SAMD11: variants seen among roughly 807,000 people sequenced by gnomAD.
SAMD11 encodes the protein sterile alpha motif domain-containing protein 11.
A neutral mutation model predicts 64.4 loss-of-function variants in SAMD11; 77 were observed. The observed-to-expected ratio is 1.20, with a 90% CI of 0.99 to 1.44. The LOEUF (loss-of-function observed/expected upper bound fraction) is 1.44, where lower values mean the gene tolerates loss of function less well. Ranked by LOEUF, SAMD11 falls within the 40% of genes most tolerant of loss-of-function variation. The pLI is 0.00. For missense variants in SAMD11, 1,402 were observed against 943.3 expected (o/e 1.49, Z -6.37); for synonymous variants, 658 against 421.9 (o/e 1.56, Z -6.86).
At chr1:943,097 A>C (rs774624183) in intron 11 of SAMD11, 39 bp downstream of exon 11, 5 of 1,552,406 alleles carry the variant, frequency 3.2e-6, no homozygotes, top group Non-Finnish European at 4.4e-6. Flanking sequence ...CAGAGGGCAC[A>C]GGACTGGCAG....
chr1:941,667 C>CCCGGCACAGACAAGGCCT (rs1347803823), intron 8 of SAMD11, among the ~76,000 whole-genome samples: 1 of 152,066 alleles, frequency 6.6e-6, no homozygotes, highest in Non-Finnish European at 1.5e-5. Context: ...CGGATCTGTT[C>CCCGGCACAGACAAGGCCT]CCGGCACAGA....
At chr1:928,536 C>T (rs1257756723) in intron 2 of SAMD11, among the ~76,000 whole-genome samples, 2 of 152,252 alleles carry the variant, frequency 1.3e-5, no homozygotes, top group Non-Finnish European at 2.9e-5. Context: ...AAGGGACCCC[C>T]GAGCTCCAGC....
intron 2 of SAMD11, among the ~76,000 whole-genome samples, chr1:928,174 A>T (rs1277203956): frequency 6.6e-6 from 1 of 151,922 alleles, no homozygotes; most frequent in African/African-American, 2.4e-5. Context: ...CGGGCGGATC[A>T]CGAGGTCAGG....
In SAMD11 at chr1:944,536, G is replaced by C; in HGVS notation, c.*383G>C. ...CCCAGCCCAGCCCAGCTCTCGATAC[G>C]TTTGGTCTTTCATGCTGAAAAATAA... On this transcript the variant is annotated 3_prime_UTR_variant, in exon 14 of 14. Transcript: ENST00000616016. 1.6e-6 allele frequency: 1 copy of C among 626,446 alleles called. No homozygotes were observed. The highest frequency in any genetic ancestry group is 2.7e-6 in the Non-Finnish European group (1 of 369,626). The allele number at this position is 626,446 out of a possible 1,614,324, so 38.8% of individuals were successfully genotyped here. A position where few individuals can be genotyped will look rare whatever the true frequency, so the allele number is the denominator to read the frequency against.
At chr1:927,756 C>A (rs550781016) in intron 2 of SAMD11, among the ~76,000 whole-genome samples, 15 of 152,340 alleles carry the variant, frequency 9.8e-5, no homozygotes, top group Non-Finnish European at 1.9e-4. Context: ...TGTCAGGGGC[C>A]GAGTTTTCAG....
chr1:944,160 CGGG>C lies in SAMD11; in HGVS notation c.*10_*12del. ...TTCCCAGCCTCTGTGTTGAGGTTGC[CGGG>C]GGTAGGGGTGGGGCCACACAAATCT... On this transcript the variant is annotated 3_prime_UTR_variant, in exon 14 of 14. Transcript: ENST00000616016. 1 of 1,540,718 alleles carries C rather than the reference CGGG, an allele frequency of 6.5e-7. No individual in the cohort carries two copies. The highest frequency in any genetic ancestry group is 8.8e-7 in the Non-Finnish European group (1 of 1,142,198).
chr1:938,610 C>T (rs1224592970), intron 5 of SAMD11, among the ~76,000 whole-genome samples: 2 of 152,208 alleles, frequency 1.3e-5, no homozygotes, highest in African/African-American at 4.8e-5. Context: ...GAGGTCCTTC[C>T]CGGCTTGTCT....
chr1:943,803 G>A lies in SAMD11; in HGVS notation c.2284G>A (p.Ala762Thr), dbSNP rs1455101682. The change falls in exon 13 of 14, where the codon GCC becomes ACC. Residue 762 changes from alanine to threonine, a missense_variant. By Grantham distance (58) the Ala-to-Thr change is moderately conservative. Transcript: ENST00000616016. ...LKLGPALKIR[A>T]QVARRLGRVF... is the part of the protein sequence containing the mutation. ...GCTGGGGCCCGCCCTCAAGATCCGG[G>A]CCCAGGTGAGACGCTGGGGAGTGAG... is the stretch of plus-strand genomic sequence containing the variant. 1 of 1,612,834 alleles carries A rather than the reference G, an allele frequency of 6.2e-7. No homozygotes were observed. Among genetic ancestry groups the A allele is most frequent in the Non-Finnish European group, 8.5e-7 (1 of 1,179,966 alleles).
intron 4 of SAMD11, 60 bp downstream of exon 4, chr1:931,149 C>A: frequency 6.7e-7 from 1 of 1,500,542 alleles, no homozygotes; most frequent in Non-Finnish European, 9.2e-7. Flanking sequence ...TCCCTCCCAC[C>A]CCTGACCGTG....
rs1197245207 is a variant in SAMD11, at chr1:943,504, G to A, written c.2178+127G>A. On this transcript the variant is annotated intron_variant, in intron 12 of 13. Coordinates refer to ENST00000616016, the MANE Select transcript of SAMD11 (RefSeq NM_001385641.1). Reference sequence around the variant, plus strand: ...CCCTCCCCAAAAGCAGTGCGCAGCAGGGACTGGACTGTGCACCCCACCTTT... The same window carrying A: ...CCCTCCCCAAAAGCAGTGCGCAGCAAGGACTGGACTGTGCACCCCACCTTT... 19 of 984,346 alleles carry A rather than the reference G, an allele frequency of 1.9e-5. No homozygotes were observed. The Admixed American group carries it at 5.2e-4, about 27-fold the overall frequency. The allele number at this position is 984,346 out of a possible 1,614,324, so 61.0% of individuals were successfully genotyped here. A position where few individuals can be genotyped will look rare whatever the true frequency, so the allele number is the denominator to read the frequency against.
intron 5 of SAMD11, among the ~76,000 whole-genome samples, chr1:937,783 G>C (rs941346036): frequency 6.6e-6 from 1 of 152,240 alleles, no homozygotes; most frequent in Non-Finnish European, 1.5e-5. Flanking sequence ...CCTCTCTCTG[G>C]GGCCGGGCCT....
rs950776065 is a variant in SAMD11, at chr1:943,700, C to T, written c.2181C>T (p.Val727=). The T allele has an allele frequency of 5.1e-6, 8 of 1,570,552 alleles. No homozygotes were observed. Among genetic ancestry groups the T allele is most frequent in the Non-Finnish European group, 6.1e-6 (7 of 1,156,374 alleles). The change falls in exon 13 of 14, where the codon GTC becomes GTT. Residue 727 remains valine, a splice_region_variant and synonymous_variant. Transcript: ENST00000616016. The part of the protein sequence containing the change: ...GLSGCGEYTR[V]FREQGIDGET... ...CCCTCCCTCCCTCCCCCTTCCAGGTCTTCAGGGAGCAGGGGATCGACGGGG... is the reference window on the plus strand; with the variant it reads ...CCCTCCCTCCCTCCCCCTTCCAGGTTTTCAGGGAGCAGGGGATCGACGGGG...
chr1:941,192 C>T lies in SAMD11; in HGVS notation c.1244C>T (p.Pro415Leu). 1 of 1,601,926 alleles carries T rather than the reference C, an allele frequency of 6.2e-7. No individual in the cohort carries two copies. Among genetic ancestry groups the T allele is most frequent in the Non-Finnish European group, 8.5e-7 (1 of 1,175,194 alleles). ...GTGGCGGCTGCAGCTCTGAGGGGCC[C>T]CAGTGGCCTGGAAGCCCACCTGCCC... Reference protein sequence around the residue: ...QEVAAAALRGPSGLEAHLPSS... With the variant: ...QEVAAAALRGLSGLEAHLPSS... Residue 415 changes from proline to leucine, a missense_variant, in exon 8 of 14, where the codon CCC becomes CTC. Physicochemically the swap from Pro to Leu is moderately conservative, Grantham distance 98. Coordinates refer to ENST00000616016, the MANE Select transcript of SAMD11 (RefSeq NM_001385641.1).
chr1:925,413 GCCTGCGGGC>G (rs1640832307), intron 1 of SAMD11, among the ~76,000 whole-genome samples: 1 of 15,232 alleles, frequency 6.6e-5, no homozygotes, highest in Non-Finnish European at 0.017. Flanking sequence ...CTGTTTTGGC[GCCTGCGGGC>G]GCCTGGGCCC....
chr1:928,199 C>T (rs1295885925), intron 2 of SAMD11, among the ~76,000 whole-genome samples: 3 of 151,276 alleles, frequency 2.0e-5, no homozygotes, highest in Non-Finnish European at 4.4e-5. Flanking sequence ...CGAGACCATC[C>T]TGACTAACAC....
In SAMD11 at chr1:943,845, C is replaced by G. The variant is rs576502376; in HGVS notation, c.2289+37C>G. The G allele has an allele frequency of 5.0e-6, 8 of 1,612,812 alleles. No individual in the cohort carries two copies. The Admixed American group carries it at 1.0e-4, about 20-fold the overall frequency. ...GGGAGTGAGGTCAGGGTCTCCAGAC[C>G]ACAGCTGGGCAGAAAGCTCTGGGTG... On this transcript the variant is annotated intron_variant, in intron 13 of 13. Transcript: ENST00000616016.
At chr1:931,891 A>G (rs1245916321) in intron 4 of SAMD11, among the ~76,000 whole-genome samples, 2 of 152,220 alleles carry the variant, frequency 1.3e-5, no homozygotes, top group Admixed American at 6.5e-5. Context: ...GTCTGTGAAC[A>G]GAGCCCAGCT....
At chr1:929,056 A>G (rs564226592) in intron 2 of SAMD11, among the ~76,000 whole-genome samples, 24 of 152,328 alleles carry the variant, frequency 1.6e-4, no homozygotes, top group South Asian at 8.3e-4. Flanking sequence ...GCCTGTTACT[A>G]CATTTAAAAA....
intron 3 of SAMD11, 107 bp from the exon 4 acceptor site, chr1:930,932 G>A (rs1641137568): frequency 9.1e-7 from 1 of 1,099,856 alleles, no homozygotes; most frequent in South Asian, 1.3e-5. Context: ...CAGGGCTGTG[G>A]CCCAGCGGGG....
Sources: allele counts gnomAD v4.1 joint callset (sites outside exome capture counted in the v4.1 genomes callset), GRCh38; gene constraint gnomAD v4.1.1; transcripts MANE v1.5; gene names NCBI Gene and HGNC (gene_info 2026-07-23, HGNC 2026-07-21).